The following HS6ST3 variants were observed in gnomAD, a reference collection of about 807,000 sequenced individuals.
The protein encoded by HS6ST3 is heparan-sulfate 6-O-sulfotransferase 3.
In HS6ST3, 12 loss-of-function variants were observed where a neutral mutation model predicts 36.7. The ratio of observed to expected loss-of-function variants is 0.33; its 90% CI spans 0.21 to 0.53. The LOEUF (loss-of-function observed/expected upper bound fraction) is 0.53, where lower values mean the gene tolerates loss of function less well. Among genes scored for constraint, HS6ST3 ranks in the 20% least tolerant of loss-of-function variants. HS6ST3 has a pLI of 0.95. For synonymous variants in HS6ST3, 240 were observed against 257.5 expected (o/e 0.93, Z 0.65); for missense variants, 584 against 640.9 (o/e 0.91, Z 0.96).
intron 1 of HS6ST3, among the ~76,000 whole-genome samples, chr13:96,695,897 C>A (rs983084617): frequency 6.6e-6 from 1 of 152,058 alleles, no homozygotes; most frequent in Non-Finnish European, 1.5e-5. Context: ...AAGAATCAGG[C>A]CTTCTGAATC....
chr13:96,687,671 T>C (rs140918211), intron 1 of HS6ST3, among the ~76,000 whole-genome samples: 10 of 152,036 alleles, frequency 6.6e-5, no homozygotes, highest in African/African-American at 2.2e-4. Flanking sequence ...ATCTAAACAT[T>C]ATTGCGGATA....
chr13:96,636,125 TC>T (rs2056548903), intron 1 of HS6ST3, among the ~76,000 whole-genome samples: 1 of 152,160 alleles, frequency 6.6e-6, no homozygotes, highest in Non-Finnish European at 1.5e-5. Context: ...ATTTCTTTCA[TC>T]TGGCTTCTGC....
intron 1 of HS6ST3, among the ~76,000 whole-genome samples, chr13:96,517,752 C>T (rs2056078125): frequency 6.6e-6 from 1 of 152,050 alleles, no homozygotes; most frequent in Non-Finnish European, 1.5e-5. Context: ...TCCCTCCTGC[C>T]ACCCCCCACT....
intron 1 of HS6ST3, among the ~76,000 whole-genome samples, chr13:96,764,765 ACT>A (rs1326422588): frequency 1.3e-5 from 2 of 151,386 alleles, no homozygotes; most frequent in Non-Finnish European, 2.9e-5. Context: ...CATATTTTCA[ACT>A]CTCTGGGAAG....
At chr13:96,653,779 G>A (rs1192513432) in intron 1 of HS6ST3, among the ~76,000 whole-genome samples, 2 of 152,138 alleles carry the variant, frequency 1.3e-5, no homozygotes, top group Non-Finnish European at 2.9e-5. Flanking sequence ...TTAAGGAATC[G>A]CCACACTGTC....
intron 1 of HS6ST3, among the ~76,000 whole-genome samples, chr13:96,152,452 C>T (rs946455491): frequency 1.3e-4 from 19 of 151,724 alleles, no homozygotes; most frequent in African/African-American, 3.9e-4. Context: ...ATTCTCCTGC[C>T]TCAGCCTCCT....
At chr13:96,487,720 C>A (rs1229779054) in intron 1 of HS6ST3, among the ~76,000 whole-genome samples, 1 of 152,044 alleles carries the variant, frequency 6.6e-6, no homozygotes, top group African/African-American at 2.4e-5. Flanking sequence ...AATATTTAAA[C>A]AAAGGAGAGC....
At chr13:96,317,389 TA>T (rs2054980820) in intron 1 of HS6ST3, among the ~76,000 whole-genome samples, 5 of 134,778 alleles carry the variant, frequency 3.7e-5, no homozygotes, top group African/African-American at 1.4e-4. Context: ...TATATATATA[TA>T]TATATCATGG....
intron 1 of HS6ST3, among the ~76,000 whole-genome samples, chr13:96,278,667 G>A (rs1208680460): frequency 6.6e-6 from 1 of 152,076 alleles, no homozygotes; most frequent in African/African-American, 2.4e-5. Flanking sequence ...GCTTAATTTT[G>A]ATCAAGTCTT....
rs1878991642 is a variant in HS6ST3, at chr13:96,838,472, G to A, written c.*5274G>A. On this transcript the variant is annotated 3_prime_UTR_variant, in exon 2 of 2. Coordinates refer to ENST00000376705, the MANE Select transcript of HS6ST3 (RefSeq NM_153456.4). Reference sequence around the variant, plus strand: ...GGTTTTCCTTTCCCATAGTTGCTGTGACCCCATTGGTCACCAGAGCAACTG... The same window carrying A: ...GGTTTTCCTTTCCCATAGTTGCTGTAACCCCATTGGTCACCAGAGCAACTG... 1 of 152,246 alleles carries A rather than the reference G, an allele frequency of 6.6e-6. No individual in the cohort carries two copies. The highest frequency in any genetic ancestry group is 1.5e-5 in the Non-Finnish European group (1 of 68,106). 9.4% of individuals were successfully genotyped at this position (152,246 alleles called of 1,614,324 possible). A position where few individuals can be genotyped will look rare whatever the true frequency, so the allele number is the denominator to read the frequency against.
chr13:96,327,245 G>T (rs2055037399), intron 1 of HS6ST3, among the ~76,000 whole-genome samples: 1 of 151,736 alleles, frequency 6.6e-6, no homozygotes, highest in Non-Finnish European at 1.5e-5. Flanking sequence ...TAGACATGAA[G>T]TCCTTGCCCA....
chr13:96,825,710 T>C (rs1262685206), intron 1 of HS6ST3, among the ~76,000 whole-genome samples: 2 of 152,234 alleles, frequency 1.3e-5, no homozygotes. Context: ...CCTACGGCAA[T>C]TGGGTCTCAA....
At chr13:96,532,319 G>A (rs190871925) in intron 1 of HS6ST3, among the ~76,000 whole-genome samples, 11 of 152,276 alleles carry the variant, frequency 7.2e-5, no homozygotes, top group Admixed American at 5.2e-4. Context: ...TTATTTTCCC[G>A]ATGAGAAATA....
chr13:96,636,916 A>C (rs957104851), intron 1 of HS6ST3, among the ~76,000 whole-genome samples: 2 of 152,128 alleles, frequency 1.3e-5, no homozygotes, highest in Non-Finnish European at 2.9e-5. Flanking sequence ...AGTTTAATTT[A>C]AATATCATGC....
intron 1 of HS6ST3, among the ~76,000 whole-genome samples, chr13:96,132,729 C>A (rs1429256092): frequency 6.6e-6 from 1 of 152,126 alleles, no homozygotes; most frequent in East Asian, 1.9e-4. Flanking sequence ...TTAATTTATA[C>A]TCCCCATCAA....
At chr13:96,462,683 G>C (rs1327916) in intron 1 of HS6ST3, among the ~76,000 whole-genome samples, 48,119 of 152,126 alleles carry the variant, frequency 0.32, 9,404 homozygotes, top group Non-Finnish European at 0.44. Flanking sequence ...TTGTTTAAAG[G>C]TTATCAATGA....
rs1385793837 is a variant in HS6ST3, at chr13:96,703,496, C to T, written c.708-128994C>T. ...CCTGATTGGGCGCTTGGTTTTTGTG[C>T]AGCATAAAATTGCTGCAAATATTTT... On this transcript the variant is annotated intron_variant, in intron 1 of 1. Transcript: ENST00000376705. 2.0e-5 allele frequency among the ~76,000 whole-genome samples: 3 copies of T among 152,118 alleles called. 1 individual carries two copies. Among genetic ancestry groups the T allele is most frequent in the Admixed American group, 2.0e-4 (3 of 15,272 alleles).
intron 1 of HS6ST3, among the ~76,000 whole-genome samples, chr13:96,242,543 A>T: frequency 6.6e-6 from 1 of 151,966 alleles, no homozygotes; most frequent in East Asian, 1.9e-4. Flanking sequence ...GTCCTTACAT[A>T]AGTGGAATCA....
intron 1 of HS6ST3, among the ~76,000 whole-genome samples, chr13:96,726,176 T>G (rs2138472836): frequency 6.6e-6 from 1 of 152,336 alleles, no homozygotes; most frequent in African/African-American, 2.4e-5. Context: ...TCTGTTGATT[T>G]TGATGTTTTT....
Sources: allele counts gnomAD v4.1 joint callset (sites outside exome capture counted in the v4.1 genomes callset), GRCh38; gene constraint gnomAD v4.1.1; transcripts MANE v1.5; gene names NCBI Gene and HGNC (gene_info 2026-07-23, HGNC 2026-07-21).